Variants in OR2L13 observed in about 807,000 individuals in gnomAD.
The protein encoded by OR2L13 is olfactory receptor family 2 subfamily L member 13, also known as olfactory receptor 2L13.
In OR2L13, 14 loss-of-function variants were observed where a neutral mutation model predicts 15.3. The observed-to-expected ratio is 0.91, with a 90% confidence interval of 0.60 to 1.43. OR2L13 has a LOEUF of 1.43. Ranked by LOEUF, OR2L13 falls within the 40% of genes most tolerant of loss-of-function variation. The pLI is 0.00. For synonymous variants in OR2L13, 152 were observed against 142.9 expected, an observed-to-expected ratio of 1.06 and a Z score of -0.45; for missense variants, 367 against 387.9, an observed-to-expected ratio of 0.95 and a Z score of 0.45.
At chr1:247,969,248 C>T in the OR2L13 span, among the ~76,000 whole-genome samples, 1 of 151,270 alleles carries the variant, frequency 6.6e-6, no homozygotes, top group Non-Finnish European at 1.5e-5. Context: ...GGTATTAGCC[C>T]TTTGTCAGAT....
the OR2L13 span, among the ~76,000 whole-genome samples, chr1:247,979,526 G>C: frequency 6.9e-6 from 1 of 145,874 alleles, no homozygotes. Flanking sequence ...ATTTCATGGT[G>C]TATATGTGCC....
chr1:248,094,670 T>C (rs554627555), upstream of OR2L13, among the ~76,000 whole-genome samples: 2 of 152,330 alleles, frequency 1.3e-5, no homozygotes, highest in South Asian at 4.1e-4. Context: ...TATATTGTCA[T>C]GTATCAATTA....
At chr1:248,038,842 G>C in the OR2L13 span, 4 of 1,614,008 alleles carry the variant, frequency 2.5e-6, no homozygotes, top group African/African-American at 2.7e-5. Flanking sequence ...ACAGACACTT[G>C]GGTCTATGAG....
the OR2L13 span, among the ~76,000 whole-genome samples, chr1:247,997,960 A>T: frequency 1.3e-5 from 2 of 152,160 alleles, no homozygotes; most frequent in African/African-American, 4.8e-5. Flanking sequence ...GAATGAATAT[A>T]TACATTTCTT....
At chr1:248,032,994 T>C in the OR2L13 span, among the ~76,000 whole-genome samples, 4,802 of 152,288 alleles carry the variant, frequency 0.032, 227 homozygotes, top group African/African-American at 0.11. Context: ...TAAAACCCTA[T>C]TGTAAATCAA....
At chr1:248,029,722 A>G in the OR2L13 span, among the ~76,000 whole-genome samples, 5 of 152,214 alleles carry the variant, frequency 3.3e-5, no homozygotes, top group African/African-American at 1.2e-4. Flanking sequence ...GAACTCAGAA[A>G]GAAATTAATG....
chr1:248,099,693 G>A (rs376748631), exon 3 of OR2L13: 20 of 1,614,044 alleles, frequency 1.2e-5, no homozygotes, highest in Non-Finnish European at 1.5e-5. Context: ...TCCTGACCAT[G>A]GCGTGTTCTG....
chr1:248,095,607 C>CTTTTTTCTTTTTTTTTTTTT (rs1664716034), upstream of OR2L13, among the ~76,000 whole-genome samples: 1 of 37,294 alleles, frequency 2.7e-5, no homozygotes, highest in Non-Finnish European at 5.4e-5. Flanking sequence ...AAAGCTGCTG[C>CTTTTTTCTTTTTTTTTTTTT]TTTTTTTTTT....
chr1:248,028,643 G>A, the OR2L13 span, among the ~76,000 whole-genome samples: 3 of 152,116 alleles, frequency 2.0e-5, no homozygotes, highest in Non-Finnish European at 4.4e-5. Context: ...TAGTTTCATC[G>A]TTTCTACTGC....
chr1:248,082,367 G>A, the OR2L13 span, among the ~76,000 whole-genome samples: 1 of 518 alleles, frequency 1.9e-3, no homozygotes, highest in Non-Finnish European at 6.4e-3. Context: ...GGGGAGGGGG[G>A]AGGATAGCAT....
the OR2L13 span, chr1:248,084,404 G>A: frequency 0.096 from 147,187 of 1,540,764 alleles, 2,342 homozygotes; most frequent in African/African-American, 0.24. Flanking sequence ...CCATGAGGGA[G>A]AGTTGGCTCA....
the OR2L13 span, among the ~76,000 whole-genome samples, chr1:248,006,770 A>G: frequency 6.6e-6 from 1 of 152,122 alleles, no homozygotes; most frequent in Non-Finnish European, 1.5e-5. Context: ...TGTGCCTTCT[A>G]CCATGTGAGG....
chr1:248,060,958 T>C, the OR2L13 span: 34 of 1,614,016 alleles, frequency 2.1e-5, no homozygotes, highest in South Asian at 3.5e-4. Flanking sequence ...GTCTATCTCC[T>C]TCACTGGGTG....
the OR2L13 span, chr1:248,038,137 A>G: frequency 1.1e-5 from 7 of 637,534 alleles, no homozygotes; most frequent in African/African-American, 9.2e-5. Flanking sequence ...TAGTTTATAT[A>G]GGGTTCAGTA....
chr1:248,071,607 G>A, the OR2L13 span, among the ~76,000 whole-genome samples: 1 of 151,958 alleles, frequency 6.6e-6, no homozygotes, highest in Non-Finnish European at 1.5e-5. Flanking sequence ...ATTCAACATA[G>A]TGTTGGAAGT....
chr1:247,968,756 TG>T, the OR2L13 span, among the ~76,000 whole-genome samples: 1 of 151,922 alleles, frequency 6.6e-6, no homozygotes, highest in East Asian at 1.9e-4. Flanking sequence ...GATGGACATT[TG>T]GGTTGGTTCC....
intron 2 of OR2L13, among the ~76,000 whole-genome samples, chr1:248,099,053 G>T (rs113083065): frequency 6.6e-4 from 101 of 152,242 alleles, no homozygotes; most frequent in African/African-American, 2.3e-3. Context: ...TGGAAGACAT[G>T]CTTAAGCCAT....
the OR2L13 span, among the ~76,000 whole-genome samples, chr1:248,058,192 T>C: frequency 6.6e-6 from 1 of 152,212 alleles, no homozygotes; most frequent in Non-Finnish European, 1.5e-5. Context: ...GGTAAAATGT[T>C]AGAAACATAA....
At chr1:248,086,788 TA>T in the OR2L13 span, among the ~76,000 whole-genome samples, 22 of 151,954 alleles carry the variant, frequency 1.4e-4, no homozygotes, top group Non-Finnish European at 2.7e-4. Context: ...TGGATTTAAA[TA>T]AAACATTTTA....
Sources: allele counts gnomAD v4.1 joint callset (sites outside exome capture counted in the v4.1 genomes callset), GRCh38; gene constraint gnomAD v4.1.1; transcripts MANE v1.5; gene names NCBI Gene and HGNC (gene_info 2026-07-23, HGNC 2026-07-21).